Variants in CHCHD6 observed in about 807,000 individuals in gnomAD.
The protein encoded by CHCHD6 is coiled-coil-helix-coiled-coil-helix domain containing 6.
A neutral mutation model predicts 32.3 loss-of-function variants in CHCHD6; 28 were observed. The ratio of observed to expected loss-of-function variants is 0.87; its 90% CI spans 0.64 to 1.19. CHCHD6 has a LOEUF of 1.19. CHCHD6 is among the 50% of genes most tolerant of loss of function. The pLI, the probability that CHCHD6 is intolerant of heterozygous loss-of-function variation, is 0.00. For synonymous variants in CHCHD6, 122 were observed against 117.5 expected (o/e 1.04, Z -0.25); for missense variants, 333 against 307.0 (o/e 1.08, Z -0.63).
intron 5 of CHCHD6, among the ~76,000 whole-genome samples, chr3:126,908,509 G>A (rs1366106988): frequency 6.6e-6 from 1 of 152,216 alleles, no homozygotes; most frequent in African/African-American, 2.4e-5. Context: ...CGGATTTTCT[G>A]TAGTGGTTCT....
intron 6 of CHCHD6, among the ~76,000 whole-genome samples, chr3:126,923,775 G>A (rs113021228): frequency 0.035 from 5,298 of 152,320 alleles, 312 homozygotes; most frequent in African/African-American, 0.12. Flanking sequence ...CTCTAGGAAA[G>A]TGTCAGGCAC....
chr3:126,787,593 A>G (rs1227450495), intron 4 of CHCHD6, among the ~76,000 whole-genome samples: 1 of 152,086 alleles, frequency 6.6e-6, no homozygotes, highest in Non-Finnish European at 1.5e-5. Context: ...AGCAATTGTG[A>G]ATGGTAGTTC....
chr3:126,870,503 G>T (rs2077451257), intron 5 of CHCHD6, among the ~76,000 whole-genome samples: 1 of 152,136 alleles, frequency 6.6e-6, no homozygotes, highest in Admixed American at 6.5e-5. Context: ...TTTTGGTTTT[G>T]TCTCCATCCT....
chr3:126,928,481 C>A (rs1026309066), intron 6 of CHCHD6, among the ~76,000 whole-genome samples: 2 of 152,148 alleles, frequency 1.3e-5, no homozygotes, highest in African/African-American at 2.4e-5. Flanking sequence ...ATTGTGTCCC[C>A]AGTGCAGGCT....
chr3:126,845,115 A>G (rs1233445793), intron 4 of CHCHD6, among the ~76,000 whole-genome samples: 2 of 152,340 alleles, frequency 1.3e-5, no homozygotes, highest in African/African-American at 4.8e-5. Context: ...ATTTCATACC[A>G]TAGCAACAGG....
intron 4 of CHCHD6, among the ~76,000 whole-genome samples, chr3:126,786,694 G>C (rs1477499115): frequency 3.9e-5 from 6 of 151,978 alleles, no homozygotes; most frequent in African/African-American, 7.3e-5. Context: ...TTGTAAATTT[G>C]TTTGAGATCA....
chr3:126,804,860 G>A (rs1309407061), intron 4 of CHCHD6, among the ~76,000 whole-genome samples: 3 of 152,104 alleles, frequency 2.0e-5, no homozygotes, highest in Non-Finnish European at 4.4e-5. Flanking sequence ...CCGTGATCAA[G>A]TGGGCTTCAT....
At chr3:126,738,256 C>G (rs932218459) in intron 4 of CHCHD6, among the ~76,000 whole-genome samples, 6 of 152,142 alleles carry the variant, frequency 3.9e-5, no homozygotes, top group African/African-American at 7.2e-5. Flanking sequence ...CACTGTGGAT[C>G]GAAGTCCACA....
At chr3:126,796,460 A>C (rs1324838230) in intron 4 of CHCHD6, among the ~76,000 whole-genome samples, 1 of 152,138 alleles carries the variant, frequency 6.6e-6, no homozygotes, top group African/African-American at 2.4e-5. Flanking sequence ...CCTTTAGAGT[A>C]GTTTCCAATG....
intron 4 of CHCHD6, among the ~76,000 whole-genome samples, chr3:126,842,950 T>C (rs964896068): frequency 1.3e-5 from 2 of 152,168 alleles, no homozygotes; most frequent in Admixed American, 1.3e-4. Context: ...CCAACCTTGT[T>C]AATTTTATTA....
At chr3:126,712,917 CTGTTG>C (rs1934821819) in intron 1 of CHCHD6, among the ~76,000 whole-genome samples, 1 of 152,224 alleles carries the variant, frequency 6.6e-6, no homozygotes, top group Non-Finnish European at 1.5e-5. Context: ...CTTGTCTCTT[CTGTTG>C]TGAGTAGCTC....
chr3:126,929,634 C>T (rs1285782306), intron 6 of CHCHD6, among the ~76,000 whole-genome samples: 3 of 152,068 alleles, frequency 2.0e-5, no homozygotes, highest in Non-Finnish European at 4.4e-5. Context: ...GGCACAATCT[C>T]GGCTCACTGC....
chr3:126,802,896 T>G (rs1939155394), intron 4 of CHCHD6, among the ~76,000 whole-genome samples: 1 of 151,180 alleles, frequency 6.6e-6, no homozygotes, highest in Non-Finnish European at 1.5e-5. Flanking sequence ...CAGAAGAGAG[T>G]GGGGGCCGAT....
intron 5 of CHCHD6, among the ~76,000 whole-genome samples, chr3:126,912,277 G>A (rs890685346): frequency 2.0e-5 from 3 of 152,218 alleles, no homozygotes; most frequent in African/African-American, 4.8e-5. Context: ...GCGGAAGGGC[G>A]TCTGCATGGA....
Position 126,730,597 on chromosome 3 carries a change from A to G in CHCHD6, c.233A>G (p.Gln78Arg). The stretch of plus-strand genomic sequence containing the variant: ...CCCAGGTCGGGGAGCAGTGGTGGCC[A>G]GCAGCCCTCAGGGATGAAGGAGGGT... ...TLPRSGSSGG[Q>R]QPSGMKEGVK... Residue 78 changes from glutamine to arginine, a missense_variant, in exon 3 of 8, where the codon CAG (glutamine) becomes CGG (arginine). Transcript: ENST00000290913. 4 of 1,613,942 alleles carry G rather than the reference A, an allele frequency of 2.5e-6. No individual in the cohort carries two copies. The highest frequency in any genetic ancestry group is 1.3e-5 in the African/African-American group (1 of 75,048).
rs533166299 is a variant in CHCHD6, at chr3:126,927,156, A to G, written c.566+12406A>G. 2.6e-5 allele frequency among the ~76,000 whole-genome samples: 4 copies of G among 152,276 alleles called. No individual in the cohort carries two copies. The East Asian group carries it at 7.8e-4, about 30-fold the overall frequency. On this transcript the variant is annotated intron_variant, in intron 6 of 7. Transcript: ENST00000290913. Reference sequence around the variant, plus strand: ...GGCCTCTAAGCAGCAGCTGTGGCCAAAAGGAGAGCTGGGCCCTGAGGGAGG... The same window carrying G: ...GGCCTCTAAGCAGCAGCTGTGGCCAGAAGGAGAGCTGGGCCCTGAGGGAGG...
chr3:126,798,483 C>G (rs1197638645), intron 4 of CHCHD6, among the ~76,000 whole-genome samples: 2 of 152,196 alleles, frequency 1.3e-5, no homozygotes, highest in East Asian at 3.9e-4. Flanking sequence ...TAAATGTGCC[C>G]TTTTCAGTGG....
intron 4 of CHCHD6, among the ~76,000 whole-genome samples, chr3:126,777,084 A>G (rs1241431878): frequency 6.6e-6 from 1 of 152,082 alleles, no homozygotes; most frequent in African/African-American, 2.4e-5. Context: ...CACACCAGCC[A>G]TTCTCGTCCC....
chr3:126,877,899 TA>T (rs1400577625), intron 5 of CHCHD6, among the ~76,000 whole-genome samples: 2 of 152,228 alleles, frequency 1.3e-5, no homozygotes, highest in Non-Finnish European at 2.9e-5. Context: ...AATGTATAGT[TA>T]AAAAAGTAAT....
Sources: allele counts gnomAD v4.1 joint callset (sites outside exome capture counted in the v4.1 genomes callset), GRCh38; gene constraint gnomAD v4.1.1; transcripts MANE v1.5; gene names NCBI Gene and HGNC (gene_info 2026-07-23, HGNC 2026-07-21).